Variants in SI observed in about 807,000 individuals in gnomAD.
SI encodes the protein sucrase-isomaltase.
In SI, 235 loss-of-function variants were observed where a neutral mutation model predicts 253.3. The observed-to-expected ratio is 0.93, with a 90% confidence interval of 0.83 to 1.03. The LOEUF (loss-of-function observed/expected upper bound fraction) is 1.03, where lower values mean the gene tolerates loss of function less well. Among genes scored for constraint, SI ranks in the 50% least tolerant of loss-of-function variants. SI has a pLI of 0.00. For synonymous variants in SI, 819 were observed against 712.0 expected, an observed-to-expected ratio of 1.15 and a Z score of -2.39; for missense variants, 2,442 against 2,211.1, an observed-to-expected ratio of 1.10 and a Z score of -2.09.
chr3:165,029,683 C>G (rs114851524), intron 25 of SI, among the ~76,000 whole-genome samples: 1 of 146,378 alleles, frequency 6.8e-6, no homozygotes, highest in Non-Finnish European at 1.5e-5. Flanking sequence ...TAAAATTTCA[C>G]ATTTTCATGT....
chr3:165,060,273 G>A (rs532551502), intron 9 of SI, among the ~76,000 whole-genome samples: 72 of 152,002 alleles, frequency 4.7e-4, no homozygotes, highest in Middle Eastern at 3.4e-3. Flanking sequence ...AAATTAGAAA[G>A]TGTAGCATAT....
chr3:165,064,870 G>A (rs940419756), intron 7 of SI, among the ~76,000 whole-genome samples: 8 of 152,146 alleles, frequency 5.3e-5, no homozygotes, highest in South Asian at 2.1e-4. Flanking sequence ...ACAGAGATGC[G>A]TGAGATAATA....
At chr3:164,985,654 C>T (rs1464735606) in intron 45 of SI, among the ~76,000 whole-genome samples, 1 of 152,050 alleles carries the variant, frequency 6.6e-6, no homozygotes, top group African/African-American at 2.4e-5. Flanking sequence ...ATTTAAATTG[C>T]AGAGAACTGT....
At chr3:165,060,078 G>A (rs1713913219) in intron 9 of SI, 51 bp from the exon 10 acceptor site, 6 of 1,527,576 alleles carry the variant, frequency 3.9e-6, no homozygotes, top group Non-Finnish European at 4.5e-6. Flanking sequence ...AATATATTTA[G>A]CATTAATAAC....
At chr3:165,023,856 G>T in intron 25 of SI, 80 bp from the exon 26 acceptor site, 1 of 920,570 alleles carries the variant, frequency 1.1e-6, no homozygotes, top group Non-Finnish European at 1.8e-6. Context: ...CTGACGTTTA[G>T]TCACACATTG....
intron 44 of SI, among the ~76,000 whole-genome samples, chr3:164,989,822 G>A (rs572311718): frequency 9.2e-5 from 14 of 152,258 alleles, no homozygotes; most frequent in Admixed American, 7.9e-4. Flanking sequence ...AGTAAAAAAA[G>A]TCAAATTGAA....
rs1290117349 is a variant in SI at position 165,017,773 on chromosome 3, C to T, written c.3621G>A (p.Lys1207=). Residue 1207 remains lysine (K), a synonymous_variant, in exon 30 of 48, where the codon AAG becomes AAA. Coordinates refer to ENST00000264382, the MANE Select transcript of SI (RefSeq NM_001041.4). ...TATGCAATCATACTTCATGGTATTG[C>T]TTTGTTGCAACTTCTGGAGTTGGGC... ...FLGPTPEVAT[K]QYHEVIGHPV... 6.2e-6 allele frequency: 10 copies of T among 1,611,916 alleles called. No homozygotes were observed. The highest frequency in any genetic ancestry group is 5.0e-5 in the Admixed American group (3 of 59,906).
chr3:164,994,037 TTAATAAC>T (rs1717898483), intron 41 of SI, among the ~76,000 whole-genome samples: 2 of 151,916 alleles, frequency 1.3e-5, no homozygotes, highest in Admixed American at 1.3e-4. Context: ...TCATTACTTT[TTAATAAC>T]TAATTAATGT....
intron 9 of SI, 100 bp downstream of exon 9, chr3:165,062,271 A>T: frequency 1.5e-6 from 1 of 683,090 alleles, no homozygotes; most frequent in Non-Finnish European, 2.7e-6. Context: ...TTTAGCTAAG[A>T]GGCCCCTACT....
At chr3:165,062,203 A>G (rs1173293769) in intron 9 of SI, among the ~76,000 whole-genome samples, 168 bp downstream of exon 9, 1 of 151,700 alleles carries the variant, frequency 6.6e-6, no homozygotes, top group Non-Finnish European at 1.5e-5. Flanking sequence ...AGTTCATTGT[A>G]TAGGGGAAAA....
intron 36 of SI, 140 bp from the exon 37 acceptor site, chr3:165,007,094 C>T: frequency 1.5e-6 from 1 of 647,798 alleles, no homozygotes; most frequent in Non-Finnish European, 2.6e-6. Flanking sequence ...CATTTGTATA[C>T]TTTGTATGAG....
At chr3:165,002,297 A>C (rs1272706601) in intron 37 of SI, among the ~76,000 whole-genome samples, 1 of 151,726 alleles carries the variant, frequency 6.6e-6, no homozygotes, top group East Asian at 1.9e-4. Context: ...GATGAGAGCA[A>C]TTGAAGACTC....
chr3:165,086,453 G>A, the SI span, among the ~76,000 whole-genome samples: 1 of 152,108 alleles, frequency 6.6e-6, no homozygotes, highest in Admixed American at 6.6e-5. Flanking sequence ...TAATATGTCA[G>A]CATCTTTCAC....
intron 43 of SI, 126 bp from the exon 44 acceptor site, chr3:164,991,603 A>G (rs888065468): frequency 1.2e-5 from 12 of 1,004,954 alleles, no homozygotes; most frequent in Non-Finnish European, 1.7e-5. Context: ...ATTCACATTT[A>G]TTCAGAAAAT....
intron 25 of SI, among the ~76,000 whole-genome samples, chr3:165,026,716 A>G (rs775426175): frequency 7.3e-5 from 11 of 151,448 alleles, no homozygotes; most frequent in Non-Finnish European, 1.3e-4. Context: ...ATGCTCCTGA[A>G]TGATCATTGG....
chr3:164,983,624 C>G (rs1365264642), intron 45 of SI, among the ~76,000 whole-genome samples: 2 of 152,054 alleles, frequency 1.3e-5, no homozygotes, highest in Non-Finnish European at 2.9e-5. Flanking sequence ...AAGTCTGGCT[C>G]TATTGTCCCA....
At chr3:165,019,840 T>C (rs1719223219) in intron 27 of SI, 70 bp from the exon 28 acceptor site, 1 of 1,305,860 alleles carries the variant, frequency 7.7e-7, no homozygotes, top group South Asian at 1.2e-5. Context: ...ATAATAACGG[T>C]AATTCTTTCT....
intron 37 of SI, among the ~76,000 whole-genome samples, chr3:165,001,092 A>T (rs1290193628): frequency 1.3e-5 from 2 of 151,328 alleles, no homozygotes; most frequent in East Asian, 3.9e-4. Context: ...TAATATCTTT[A>T]TTTTAGTCAT....
intron 37 of SI, among the ~76,000 whole-genome samples, chr3:165,004,580 T>C (rs749205849): frequency 2.1e-4 from 32 of 152,082 alleles, no homozygotes; most frequent in Non-Finnish European, 4.4e-4. Flanking sequence ...GTAAATATGG[T>C]ACATATATAC....
Sources: gnomAD v4.1 joint callset for allele counts (sites outside exome capture counted in the v4.1 genomes callset) on GRCh38, gnomAD v4.1.1 for gene constraint, MANE v1.5 for transcripts, NCBI Gene and HGNC (gene_info 2026-07-23, HGNC 2026-07-21) for gene names.